The following UGT2B10 variants were observed in gnomAD, a reference collection of about 807,000 sequenced individuals.
The protein encoded by UGT2B10 is UDP glucuronosyltransferase family 2 member B10.
In UGT2B10, 51 loss-of-function variants were observed where a neutral mutation model predicts 43.7. That is an observed-to-expected ratio of 1.17 (90% CI 0.93 to 1.47). UGT2B10 has a LOEUF of 1.47. Ranked by LOEUF, UGT2B10 falls within the 40% of genes most tolerant of loss-of-function variation. UGT2B10 has a pLI of 0.00. For synonymous variants in UGT2B10, 225 were observed against 209.0 expected, an observed-to-expected ratio of 1.08 and a Z score of -0.66; for missense variants, 696 against 617.7, an observed-to-expected ratio of 1.13 and a Z score of -1.34.
chr4:68,825,722 C>T (rs2109698345), intron 3 of UGT2B10, among the ~76,000 whole-genome samples: 1 of 152,092 alleles, frequency 6.6e-6, no homozygotes, highest in African/African-American at 2.4e-5. Flanking sequence ...ACCATATTTT[C>T]TTTATTCAGT....
Position 68,816,487 on chromosome 4 carries a change from T to G in UGT2B10, c.468T>G (p.Gly156=). ...IVFADAYLPC[G]ELLAELFNIP... ...TTGCAGATGCTTATTTACCCTGTGG[T>G]GAGCTGCTGGCTGAGCTATTTAACA... The change falls in exon 1 of 6, where the codon GGT becomes GGG. Residue 156 remains glycine, a synonymous_variant. Coordinates refer to ENST00000265403, the MANE Select transcript of UGT2B10 (RefSeq NM_001075.6). 6.2e-7 allele frequency: 1 copy of G among 1,613,264 alleles called. No homozygotes were observed. Among genetic ancestry groups the G allele is most frequent in the Non-Finnish European group, 8.5e-7 (1 of 1,179,446 alleles).
chr4:68,822,396 A>C lies in UGT2B10; in HGVS notation c.993A>C (p.Pro331=). 1 of 1,613,606 alleles carries C rather than the reference A, an allele frequency of 6.2e-7. No individual in the cohort carries two copies. The highest frequency in any genetic ancestry group is 8.5e-7 in the Non-Finnish European group (1 of 1,179,760). Residue 331 remains proline (P), a synonymous_variant, in exon 3 of 6, where the codon CCA becomes CCC. Coordinates refer to ENST00000265403, the MANE Select transcript of UGT2B10 (RefSeq NM_001075.6). The part of the protein sequence containing the change: ...NVIATALAKI[P]QKVLWRFDGN... ...TTGCAACAGCCCTTGCCAAGATCCC[A>C]CAAAAGGTAAGATAAAGTGCCTTAC...
intron 3 of UGT2B10, among the ~76,000 whole-genome samples, chr4:68,823,292 G>A (rs558899269): frequency 1.1e-4 from 16 of 152,078 alleles, no homozygotes; most frequent in South Asian, 1.0e-3. Context: ...CAGATCACGA[G>A]GTCAGGAGAT....
At chr4:68,817,131 C>A (rs1333924986) in intron 1 of UGT2B10, among the ~76,000 whole-genome samples, 1 of 151,748 alleles carries the variant, frequency 6.6e-6, no homozygotes, top group East Asian at 1.9e-4. Flanking sequence ...TATATAACTG[C>A]AGAAATTTTT....
At chr4:68,825,576 T>G (rs141445797) in intron 3 of UGT2B10, among the ~76,000 whole-genome samples, 2 of 152,268 alleles carry the variant, frequency 1.3e-5, no homozygotes, top group African/African-American at 4.8e-5. Flanking sequence ...CACTCATAAG[T>G]GAGGACTTGT....
Position 68,825,282 on chromosome 4 carries a change from T to C in UGT2B10, c.1000-1128T>C, listed in dbSNP as rs183181033. Among the ~76,000 whole-genome samples, 56 of 151,408 alleles carry C rather than the reference T, an allele frequency of 3.7e-4. No homozygotes were observed. The East Asian group carries it at 6.6e-3, about 18-fold the overall frequency. On this transcript the variant is annotated intron_variant, in intron 3 of 5. Transcript: ENST00000265403. ...ATACCAGAATTACAATGACTCCCTA[T>C]AATTTTTTATACTTTTTTTATAATA... is the stretch of plus-strand genomic sequence containing the variant.
chr4:68,827,629 T>C lies in UGT2B10; in HGVS notation c.1307+81T>C, dbSNP rs1183068909. 2.6e-6 allele frequency: 4 copies of C among 1,558,224 alleles called. No individual in the cohort carries two copies. In the African/African-American group the frequency reaches 5.5e-5, roughly 21 times the overall value. On this transcript the variant is annotated intron_variant, in intron 5 of 5. Transcript: ENST00000265403. ...GTAGTGAGCATGAGTTTCATCCTTT[T>C]TATAAGAGAGTGATTTTGAAAGAAT...
chr4:68,819,041 A>T (rs1737365648), intron 2 of UGT2B10, among the ~76,000 whole-genome samples: 1 of 151,930 alleles, frequency 6.6e-6, no homozygotes, highest in East Asian at 1.9e-4. Context: ...TTCAGGTAGC[A>T]GATGATGAAA....
At chr4:68,823,952 G>C (rs1737642567) in intron 3 of UGT2B10, among the ~76,000 whole-genome samples, 1 of 152,132 alleles carries the variant, frequency 6.6e-6, no homozygotes, top group Non-Finnish European at 1.5e-5. Flanking sequence ...TTCTGCCCCT[G>C]TCATTTGACC....
chr4:68,826,353 C>T (rs1737773246), intron 3 of UGT2B10, 57 bp from the exon 4 acceptor site: 3 of 1,544,642 alleles, frequency 1.9e-6, no homozygotes, highest in Non-Finnish European at 2.7e-6. Context: ...ACAGTTCTAA[C>T]ATTTTATAAC....
At chr4:68,818,341 C>T (rs1265156956) in intron 2 of UGT2B10, among the ~76,000 whole-genome samples, 164 bp downstream of exon 2, 3 of 151,684 alleles carry the variant, frequency 2.0e-5, no homozygotes, top group Non-Finnish European at 2.9e-5. Context: ...TACCATCACA[C>T]GTATGTGAGT....
At chr4:68,828,228 G>T (rs1308795825) in intron 5 of UGT2B10, among the ~76,000 whole-genome samples, 1 of 151,792 alleles carries the variant, frequency 6.6e-6, no homozygotes, top group Non-Finnish European at 1.5e-5. Flanking sequence ...ATACAGTCTA[G>T]GGTACTGTGT....
Position 68,827,602 on chromosome 4 carries a change from C to T in UGT2B10, c.1307+54C>T, listed in dbSNP as rs1737861853. 6.2e-6 allele frequency: 10 copies of T among 1,601,058 alleles called. No individual in the cohort carries two copies. In the South Asian group the frequency reaches 1.1e-4, roughly 18 times the overall value. On this transcript the variant is annotated intron_variant, in intron 5 of 5. Transcript: ENST00000265403. ...GGTATTAATAGATAGCTTTTCTTGT[C>T]AGTAGTGAGCATGAGTTTCATCCTT...
rs1178694049 is a variant in UGT2B10 at position 68,831,409 on chromosome 4, A to G, written c.*530A>G. The stretch of plus-strand genomic sequence containing the variant: ...TAACTTTACAAAATGAGATTTTTAT[A>G]TAAGAATGATTCAAATGTTCAGGGA... On this transcript the variant is annotated 3_prime_UTR_variant, in exon 6 of 6. Transcript: ENST00000265403. 6.6e-6 allele frequency among the ~76,000 whole-genome samples: 1 copy of G among 152,122 alleles called. No individual in the cohort carries two copies. The highest frequency in any genetic ancestry group is 1.5e-5 in the Non-Finnish European group (1 of 68,000).
At position 68,816,001 on chromosome 4, in the gene UGT2B10, A is replaced by G; in HGVS notation, c.-19A>G. 1 of 1,611,606 alleles carries G rather than the reference A, an allele frequency of 6.2e-7. No individual in the cohort carries two copies. The highest frequency in any genetic ancestry group is 8.5e-7 in the Non-Finnish European group (1 of 1,178,300). ...AGAAAGAAACAGTGACTGGAAAAGAATTATCACATTGCACAAGGATGGCTC... is the reference window on the plus strand; with the variant it reads ...AGAAAGAAACAGTGACTGGAAAAGAGTTATCACATTGCACAAGGATGGCTC... On this transcript the variant is annotated 5_prime_UTR_variant, in exon 1 of 6. Coordinates refer to ENST00000265403, the MANE Select transcript of UGT2B10 (RefSeq NM_001075.6).
chr4:68,818,237 A>G (rs1737321316), intron 2 of UGT2B10, 60 bp downstream of exon 2: 3 of 1,588,990 alleles, frequency 1.9e-6, no homozygotes, highest in Admixed American at 1.9e-5. Context: ...AAATGACTGT[A>G]TAGTCTTCAT....
At chr4:68,823,797 A>G (rs1322575573) in intron 3 of UGT2B10, among the ~76,000 whole-genome samples, 1 of 152,128 alleles carries the variant, frequency 6.6e-6, no homozygotes, top group Non-Finnish European at 1.5e-5. Context: ...AAAAATATAC[A>G]TGGATGATGC....
intron 5 of UGT2B10, among the ~76,000 whole-genome samples, chr4:68,828,874 T>C (rs981276541): frequency 6.6e-6 from 1 of 151,968 alleles, no homozygotes; most frequent in Non-Finnish European, 1.5e-5. Flanking sequence ...GATCCAGCCA[T>C]AGTGGAAGTA....
At position 68,826,471 on chromosome 4, in the gene UGT2B10, A is replaced by G. The variant is rs774912289; in HGVS notation, c.1061A>G (p.Lys354Arg). Reference sequence around the variant, plus strand: ...TTAGGTCTCAATACTCGACTGTACAAGTGGATACCCCAGAATGACCTTCTA... The same window carrying G: ...TTAGGTCTCAATACTCGACTGTACAGGTGGATACCCCAGAATGACCTTCTA... ...DALGLNTRLY[K>R]WIPQNDLLGH... is the part of the protein sequence containing the mutation. Residue 354 changes from lysine (K) to arginine (R), a missense_variant, in exon 4 of 6, where the codon AAG becomes AGG. Lys to Arg is a conservative substitution (Grantham distance 26). Coordinates refer to ENST00000265403, the MANE Select transcript of UGT2B10 (RefSeq NM_001075.6). 9.9e-6 allele frequency: 16 copies of G among 1,612,400 alleles called. No homozygotes were observed. The highest frequency in any genetic ancestry group is 1.7e-4 in the Middle Eastern group (1 of 5,954).
Sources: allele counts gnomAD v4.1 joint callset (sites outside exome capture counted in the v4.1 genomes callset), GRCh38; gene constraint gnomAD v4.1.1; transcripts MANE v1.5; gene names NCBI Gene and HGNC (gene_info 2026-07-23, HGNC 2026-07-21).